The following GLIS3 variants were observed in gnomAD, a reference collection of about 807,000 sequenced individuals.
The protein encoded by GLIS3 is zinc finger protein GLIS3.
A neutral mutation model predicts 78.6 loss-of-function variants in GLIS3; 53 were observed. That is an observed-to-expected ratio of 0.67 (90% confidence interval 0.54 to 0.85). GLIS3 has a LOEUF of 0.85. Among genes scored for constraint, GLIS3 ranks in the 40% least tolerant of loss-of-function variants. The pLI is 0.00. For synonymous variants in GLIS3, 684 were observed against 509.9 expected, an observed-to-expected ratio of 1.34 and a Z score of -4.60; for missense variants, 1,703 against 1,231.1, an observed-to-expected ratio of 1.38 and a Z score of -5.74.
intron 4 of GLIS3, among the ~76,000 whole-genome samples, chr9:3,953,795 C>CTCTCTATATATATATA (rs1403671770): frequency 2.2e-4 from 16 of 73,332 alleles, no homozygotes; most frequent in African/African-American, 7.4e-4. Context: ...CTCTCTCTCT[C>CTCTCTATATATATATA]TATATATATA....
intron 2 of GLIS3, among the ~76,000 whole-genome samples, chr9:4,317,874 G>T (rs1817464801): frequency 6.6e-6 from 1 of 152,176 alleles, no homozygotes; most frequent in South Asian, 2.1e-4. Flanking sequence ...CAAGCAGATG[G>T]AAGTTATTAT....
At chr9:4,334,303 A>G (rs999404827) in intron 2 of GLIS3, among the ~76,000 whole-genome samples, 6 of 152,218 alleles carry the variant, frequency 3.9e-5, no homozygotes, top group African/African-American at 7.2e-5. Flanking sequence ...TACAAATTAC[A>G]GAGAGATCAC....
the GLIS3 span, among the ~76,000 whole-genome samples, chr9:4,416,252 TAAAA>T: frequency 4.0e-5 from 3 of 75,838 alleles, no homozygotes; most frequent in African/African-American, 1.1e-4. Flanking sequence ...ACACTGTTTT[TAAAA>T]AAAAAAAAAA....
intron 3 of GLIS3, 81 bp downstream of exon 3, chr9:4,125,653 T>C (rs1832517591): frequency 1.1e-6 from 1 of 906,774 alleles, no homozygotes; most frequent in Non-Finnish European, 1.8e-6. Flanking sequence ...TGTGTGTGTG[T>C]GTATTCAGAA....
chr9:4,231,929 C>A (rs1822288231), intron 2 of GLIS3, among the ~76,000 whole-genome samples: 1 of 152,154 alleles, frequency 6.6e-6, no homozygotes, highest in Non-Finnish European at 1.5e-5. Flanking sequence ...TGTTAAAGCC[C>A]CACCCTCTGA....
At chr9:4,167,406 C>T (rs1189020331) in intron 2 of GLIS3, among the ~76,000 whole-genome samples, 2 of 152,178 alleles carry the variant, frequency 1.3e-5, no homozygotes, top group Non-Finnish European at 2.9e-5. Context: ...TATTAAGCCA[C>T]TACTATGTGC....
the GLIS3 span, among the ~76,000 whole-genome samples, chr9:4,355,334 G>A: frequency 3.9e-5 from 6 of 152,094 alleles, no homozygotes; most frequent in African/African-American, 1.4e-4. Flanking sequence ...CAGGGCTCCT[G>A]TAAGGCAGGG....
In GLIS3 at chr9:4,005,983, T is replaced by C. The variant is rs182626364; in HGVS notation, c.1711-68794A>G. Among the ~76,000 whole-genome samples the C allele has an allele frequency of 1.4e-4, 21 of 152,276 alleles. No individual in the cohort carries two copies. In the East Asian group the frequency reaches 3.7e-3, roughly 27 times the overall value. On this transcript the variant is annotated intron_variant, in intron 4 of 10. Coordinates refer to ENST00000381971, the MANE Select transcript of GLIS3 (RefSeq NM_001042413.2). The stretch of plus-strand genomic sequence containing the variant: ...CAGCATAGACAGAAATGTGAGTGTA[T>C]TTGCCATGTGGACATAACATCTTTA...
chr9:3,928,975 G>A (rs1448341968), intron 6 of GLIS3, among the ~76,000 whole-genome samples: 1 of 152,184 alleles, frequency 6.6e-6, no homozygotes, highest in Non-Finnish European at 1.5e-5. Context: ...CTTACAAGGT[G>A]AAAATGAAAA....
intron 2 of GLIS3, among the ~76,000 whole-genome samples, chr9:4,165,773 C>G (rs1365690485): frequency 6.6e-6 from 1 of 152,192 alleles, no homozygotes; most frequent in Non-Finnish European, 1.5e-5. Context: ...GGGGCTAGAA[C>G]AAGTTTCTGG....
At chr9:4,393,672 C>G in the GLIS3 span, among the ~76,000 whole-genome samples, 2 of 152,134 alleles carry the variant, frequency 1.3e-5, no homozygotes, top group Non-Finnish European at 2.9e-5. Context: ...TTGAATTTGG[C>G]TGATGTTTCC....
intron 4 of GLIS3, among the ~76,000 whole-genome samples, chr9:3,947,200 T>C (rs1361619542): frequency 6.6e-6 from 1 of 152,252 alleles, no homozygotes; most frequent in African/African-American, 2.4e-5. Flanking sequence ...CAGTAATTAA[T>C]TGTCTTTGAC....
chr9:4,184,985 C>G (rs61406329), intron 2 of GLIS3, among the ~76,000 whole-genome samples: 3,339 of 152,262 alleles, frequency 0.022, 132 homozygotes, highest in African/African-American at 0.077. Context: ...ATTTTACACA[C>G]CATAAAATTC....
chr9:4,357,878 G>A, the GLIS3 span, among the ~76,000 whole-genome samples: 2 of 152,174 alleles, frequency 1.3e-5, no homozygotes, highest in African/African-American at 4.8e-5. Flanking sequence ...AGTGGACAAA[G>A]ATGTTTGCTG....
intron 4 of GLIS3, among the ~76,000 whole-genome samples, chr9:3,969,918 T>A (rs969967829): frequency 6.6e-6 from 1 of 152,240 alleles, no homozygotes; most frequent in Non-Finnish European, 1.5e-5. Context: ...ATCAATTCTG[T>A]TATTTCCTGT....
intron 2 of GLIS3, among the ~76,000 whole-genome samples, chr9:4,143,564 CA>C (rs57238941): frequency 3.8e-4 from 54 of 142,808 alleles, no homozygotes; most frequent in African/African-American, 5.9e-4. Flanking sequence ...AAGACTGTCT[CA>C]AAAAAAAAAA....
chr9:4,374,223 G>C, the GLIS3 span, among the ~76,000 whole-genome samples: 2 of 152,184 alleles, frequency 1.3e-5, no homozygotes, highest in Non-Finnish European at 2.9e-5. Flanking sequence ...TCTCCTCCAA[G>C]AGAAGTTACA....
chr9:4,183,639 T>C (rs1817523202), intron 2 of GLIS3, among the ~76,000 whole-genome samples: 2 of 152,230 alleles, frequency 1.3e-5, no homozygotes, highest in African/African-American at 4.8e-5. Flanking sequence ...TGATTAGATT[T>C]ACTTTGAAGG....
chr9:4,201,649 C>G lies in GLIS3; in HGVS notation c.389-75708G>C, dbSNP rs569160434. Reference sequence around the variant, plus strand: ...CCAGGGAGCTAAAAAATATCTACAACAAGAACTACAAAAAACACTGCTGAA... The same window carrying G: ...CCAGGGAGCTAAAAAATATCTACAAGAAGAACTACAAAAAACACTGCTGAA... On this transcript the variant is annotated intron_variant, in intron 2 of 10. Coordinates refer to ENST00000381971, the MANE Select transcript of GLIS3 (RefSeq NM_001042413.2). Among the ~76,000 whole-genome samples, 6 of 152,070 alleles carry G rather than the reference C, an allele frequency of 3.9e-5. No individual in the cohort carries two copies. The South Asian group carries it at 1.2e-3, about 32-fold the overall frequency.
Sources: allele counts gnomAD v4.1 joint callset (sites outside exome capture counted in the v4.1 genomes callset), GRCh38; gene constraint gnomAD v4.1.1; transcripts MANE v1.5; gene names NCBI Gene and HGNC (gene_info 2026-07-23, HGNC 2026-07-21).